DLGAP2: variants seen among roughly 807,000 people sequenced by gnomAD.
The protein encoded by DLGAP2 is DLG associated protein 2.
In DLGAP2, 26 loss-of-function variants were observed where a neutral mutation model predicts 100.3. The observed-to-expected ratio is 0.26, with a 90% CI of 0.19 to 0.36. DLGAP2 has a LOEUF of 0.36. Among genes scored for constraint, DLGAP2 ranks in the 10% least tolerant of loss-of-function variants. The pLI is 1.00. For synonymous variants in DLGAP2, 886 were observed against 630.1 expected (o/e 1.41, Z -6.08); for missense variants, 1,858 against 1,453.2 (o/e 1.28, Z -4.53).
chr8:1,500,711 C>G (rs890770319), intron 3 of DLGAP2, among the ~76,000 whole-genome samples: 9 of 152,256 alleles, frequency 5.9e-5, no homozygotes, highest in African/African-American at 2.2e-4. Context: ...AGACCTTTTA[C>G]AGCCACATGC....
intron 2 of DLGAP2, among the ~76,000 whole-genome samples, chr8:973,635 G>C (rs1800080401): frequency 6.6e-6 from 1 of 152,252 alleles, no homozygotes; most frequent in African/African-American, 2.4e-5. Flanking sequence ...GTTGTAGTGA[G>C]CCGAGATCAC....
In DLGAP2 at chr8:1,636,969, C is replaced by G. The variant is rs563898574; in HGVS notation, c.1810+3923C>G. On this transcript the variant is annotated intron_variant, in intron 8 of 14. Coordinates refer to ENST00000637795, the MANE Select transcript of DLGAP2 (RefSeq NM_001346810.2). Reference sequence around the variant, plus strand: ...GGTGTGTTGGGACACACAGGCACCACTTGGTAAACCCGGCCGATGGCTGCC... The same window carrying G: ...GGTGTGTTGGGACACACAGGCACCAGTTGGTAAACCCGGCCGATGGCTGCC... Among the ~76,000 whole-genome samples the G allele has an allele frequency of 4.9e-4, 75 of 152,368 alleles. 1 individual carries two copies. The South Asian group carries it at 0.011, about 23-fold the overall frequency.
intron 3 of DLGAP2, among the ~76,000 whole-genome samples, chr8:1,311,069 A>G (rs1168510811): frequency 6.6e-6 from 1 of 152,202 alleles, no homozygotes; most frequent in East Asian, 1.9e-4. Flanking sequence ...AGAACACATA[A>G]ACAACTAAAA....
intron 3 of DLGAP2, among the ~76,000 whole-genome samples, chr8:1,347,730 A>T (rs192867163): frequency 1.3e-5 from 2 of 151,264 alleles, no homozygotes; most frequent in East Asian, 3.9e-4. Context: ...CACTCATGGT[A>T]GCTGTGTGAA....
chr8:1,632,739 T>C, intron 7 of DLGAP2, 88 bp from the exon 8 acceptor site: 2 of 1,339,888 alleles, frequency 1.5e-6, no homozygotes, highest in Non-Finnish European at 2.0e-6. Context: ...AAAGGCAGCC[T>C]GGGAATGAGC....
intron 3 of DLGAP2, among the ~76,000 whole-genome samples, chr8:1,408,635 C>T (rs147207471): frequency 1.6e-3 from 247 of 152,280 alleles, no homozygotes; most frequent in Admixed American, 2.7e-3. Flanking sequence ...CATGGATTCA[C>T]GCATAACTTT....
At chr8:1,468,862 C>T (rs931833904) in intron 3 of DLGAP2, among the ~76,000 whole-genome samples, 4 of 152,170 alleles carry the variant, frequency 2.6e-5, no homozygotes, top group South Asian at 2.1e-4. Flanking sequence ...CCTGGGGCCA[C>T]GCTGCCCGGC....
chr8:799,266 G>T (rs773090819), intron 1 of DLGAP2, among the ~76,000 whole-genome samples: 1 of 152,154 alleles, frequency 6.6e-6, no homozygotes, highest in Non-Finnish European at 1.5e-5. Flanking sequence ...TTTCTGAGTG[G>T]TCATGCCCAG....
chr8:1,268,198 G>T (rs1799507242), intron 3 of DLGAP2, among the ~76,000 whole-genome samples: 1 of 152,124 alleles, frequency 6.6e-6, no homozygotes, highest in South Asian at 2.1e-4. Context: ...CTCCATGATA[G>T]TCTCAGGAAT....
intron 2 of DLGAP2, among the ~76,000 whole-genome samples, chr8:973,839 C>T (rs1166689895): frequency 1.6e-5 from 2 of 125,736 alleles, no homozygotes; most frequent in Non-Finnish European, 3.4e-5. Flanking sequence ...TCCGGGAGGT[C>T]GGGGCGGGCG....
At chr8:1,180,926 G>C (rs1245189521) in intron 2 of DLGAP2, among the ~76,000 whole-genome samples, 49 of 141,354 alleles carry the variant, frequency 3.5e-4, no homozygotes, top group African/African-American at 1.3e-3. Flanking sequence ...GCTGTGCAAG[G>C]GCAGTACACT....
chr8:802,030 C>T (rs13252812), intron 1 of DLGAP2, among the ~76,000 whole-genome samples: 4,085 of 90,382 alleles, frequency 0.045, 115 homozygotes, highest in East Asian at 0.25. Context: ...CCCTCCTGGG[C>T]CCTCCATCCT....
intron 2 of DLGAP2, among the ~76,000 whole-genome samples, chr8:1,183,172 G>C (rs754037435): frequency 2.6e-5 from 4 of 152,114 alleles, no homozygotes; most frequent in Non-Finnish European, 5.9e-5. Flanking sequence ...GGACACAGCA[G>C]CCAGGATCTA....
At chr8:771,445 T>C (rs1038684269) in intron 1 of DLGAP2, among the ~76,000 whole-genome samples, 4 of 152,228 alleles carry the variant, frequency 2.6e-5, no homozygotes, top group African/African-American at 9.6e-5. Context: ...TTTATCCTCT[T>C]TATCCAAAAT....
chr8:1,103,481 G>A lies in DLGAP2; in HGVS notation c.74-155370G>A, dbSNP rs113930655. Among the ~76,000 whole-genome samples the A allele has an allele frequency of 1.0e-3, 140 of 134,150 alleles. 6 individuals carry two copies. The highest frequency in any genetic ancestry group is 3.1e-3 in the African/African-American group (96 of 31,058). 88.0% of individuals were successfully genotyped at this position (134,150 alleles called of 152,430 possible). A position where few individuals can be genotyped will look rare whatever the true frequency, so the allele number is the denominator to read the frequency against. ...GCCTTGGTTAACGTTGATGACTGGCGGGGCCTTGGTTGACGGTGATGACTG... is the reference window on the plus strand; with the variant it reads ...GCCTTGGTTAACGTTGATGACTGGCAGGGCCTTGGTTGACGGTGATGACTG... On this transcript the variant is annotated intron_variant, in intron 2 of 14. Transcript: ENST00000637795.
At chr8:1,369,538 C>T (rs889910184) in intron 3 of DLGAP2, 1 of 152,234 alleles carries the variant, frequency 6.6e-6, no homozygotes, top group African/African-American at 2.4e-5. Flanking sequence ...CCTTGTTTCC[C>T]TGTCTACTTC....
intron 2 of DLGAP2, among the ~76,000 whole-genome samples, chr8:1,079,948 G>T (rs938145031): frequency 6.6e-6 from 1 of 152,242 alleles, no homozygotes; most frequent in African/African-American, 2.4e-5. Context: ...GTGCTGGAAT[G>T]CACTCCTCTC....
intron 3 of DLGAP2, among the ~76,000 whole-genome samples, chr8:1,449,863 C>T (rs12680220): frequency 0.18 from 15,789 of 85,412 alleles, 1,327 homozygotes; most frequent in East Asian, 0.32. Flanking sequence ...AGGGTGAAGA[C>T]GAGGTGGGCG....
At chr8:968,411 G>A (rs765015606) in intron 2 of DLGAP2, among the ~76,000 whole-genome samples, 13 of 152,142 alleles carry the variant, frequency 8.5e-5, no homozygotes, top group Non-Finnish European at 1.5e-4. Context: ...CAGTGTGGAG[G>A]TGTTCACAGG....
Sources: allele counts gnomAD v4.1 joint callset (sites outside exome capture counted in the v4.1 genomes callset), GRCh38; gene constraint gnomAD v4.1.1; transcripts MANE v1.5; gene names NCBI Gene and HGNC (gene_info 2026-07-23, HGNC 2026-07-21).